The following UST variants were observed in gnomAD, a reference collection of about 807,000 sequenced individuals.
The protein encoded by UST is uronyl 2-sulfotransferase, also known as chondroitin sulfate 2-O-sulfotransferase.
A neutral mutation model predicts 45.6 loss-of-function variants in UST; 21 were observed. The ratio of observed to expected loss-of-function variants is 0.46; its 90% CI spans 0.33 to 0.66. UST has a LOEUF of 0.66. Among genes scored for constraint, UST ranks in the 30% least tolerant of loss-of-function variants. The pLI is 0.02. For missense variants in UST, 463 were observed against 512.4 expected, an observed-to-expected ratio of 0.90 and a Z score of 0.93; for synonymous variants, 215 against 200.6, an observed-to-expected ratio of 1.07 and a Z score of -0.61.
chr6:148,799,783 T>C (rs1777023034), intron 1 of UST, among the ~76,000 whole-genome samples: 2 of 152,196 alleles, frequency 1.3e-5, no homozygotes, highest in Non-Finnish European at 2.9e-5. Context: ...ATCCTTTATT[T>C]TACCTATATG....
intron 7 of UST, among the ~76,000 whole-genome samples, chr6:149,047,475 C>A (rs1320559560): frequency 6.6e-6 from 1 of 152,198 alleles, no homozygotes; most frequent in Non-Finnish European, 1.5e-5. Flanking sequence ...TTTTCATAAT[C>A]ATTTATGGAG....
chr6:148,868,015 A>G (rs1311269014), intron 1 of UST, among the ~76,000 whole-genome samples: 1 of 152,106 alleles, frequency 6.6e-6, no homozygotes, highest in African/African-American at 2.4e-5. Context: ...GAGGCTGTTC[A>G]TCACTGATGA....
chr6:148,917,701 G>C (rs1399086607), intron 2 of UST, among the ~76,000 whole-genome samples: 1 of 152,192 alleles, frequency 6.6e-6, no homozygotes, highest in Non-Finnish European at 1.5e-5. Context: ...GGGCTATGTG[G>C]GGGCAGGGGT....
At chr6:149,012,626 G>A (rs536159092) in intron 5 of UST, among the ~76,000 whole-genome samples, 8 of 152,228 alleles carry the variant, frequency 5.3e-5, no homozygotes, top group African/African-American at 1.4e-4. Context: ...GTTACATTGC[G>A]TCATGTGCAG....
intron 1 of UST, among the ~76,000 whole-genome samples, chr6:148,852,784 C>T (rs1463647521): frequency 6.6e-6 from 1 of 152,126 alleles, no homozygotes; most frequent in Non-Finnish European, 1.5e-5. Flanking sequence ...GGTTATTCCT[C>T]CACTGGGCTT....
chr6:148,894,814 CTTTTT>C (rs760698349), intron 2 of UST, among the ~76,000 whole-genome samples: 2 of 93,700 alleles, frequency 2.1e-5, no homozygotes, highest in African/African-American at 4.5e-5. Context: ...AATTTCAGTG[CTTTTT>C]TTTTTTTTTT....
intron 1 of UST, among the ~76,000 whole-genome samples, chr6:148,769,398 C>T (rs75195462): frequency 0.031 from 4,694 of 152,326 alleles, 228 homozygotes; most frequent in African/African-American, 0.11. Flanking sequence ...TTGCCTTTAA[C>T]GGGATGTTTC....
At chr6:148,902,205 C>A (rs1779273423) in intron 2 of UST, among the ~76,000 whole-genome samples, 1 of 152,076 alleles carries the variant, frequency 6.6e-6, no homozygotes, top group Non-Finnish European at 1.5e-5. Flanking sequence ...GAAACAGATA[C>A]CCTGTTCTGG....
chr6:148,950,103 A>G (rs946327314), intron 3 of UST, among the ~76,000 whole-genome samples: 6 of 151,522 alleles, frequency 4.0e-5, no homozygotes, highest in African/African-American at 1.5e-4. Flanking sequence ...CTTCTGTCTT[A>G]CTTACATTGA....
At chr6:148,871,137 T>TCTCTCTCTCTCTCTCTCTCC (rs1778547509) in intron 1 of UST, among the ~76,000 whole-genome samples, 1 of 149,866 alleles carries the variant, frequency 6.7e-6, no homozygotes, top group South Asian at 2.1e-4. Context: ...TCTCTCTCTC[T>TCTCTCTCTCTCTCTCTCTCC]CTCTCTCTCC....
chr6:149,038,154 C>G (rs1317355005), intron 7 of UST, among the ~76,000 whole-genome samples: 5 of 152,092 alleles, frequency 3.3e-5, no homozygotes, highest in Middle Eastern at 3.4e-3. Flanking sequence ...GTACCTTAGA[C>G]TTACATTGGT....
intron 1 of UST, among the ~76,000 whole-genome samples, chr6:148,783,911 TGA>T (rs1416953744): frequency 6.6e-6 from 1 of 152,114 alleles, no homozygotes; most frequent in African/African-American, 2.4e-5. Context: ...GTGAAGATGA[TGA>T]GCTACAAGAT....
intron 3 of UST, among the ~76,000 whole-genome samples, chr6:148,949,216 G>A (rs1394235928): frequency 6.6e-6 from 1 of 151,616 alleles, no homozygotes; most frequent in Non-Finnish European, 1.5e-5. Context: ...GCTTGAACCT[G>A]GGAGGGGGAG....
At chr6:148,910,297 C>T (rs1779448475) in intron 2 of UST, among the ~76,000 whole-genome samples, 1 of 152,114 alleles carries the variant, frequency 6.6e-6, no homozygotes, top group African/African-American at 2.4e-5. Flanking sequence ...TGCACCACCA[C>T]ACCCAGCTAA....
intron 7 of UST, among the ~76,000 whole-genome samples, chr6:149,049,925 TCTCTCTCACA>T (rs1360126123): frequency 2.3e-5 from 3 of 128,720 alleles, no homozygotes; most frequent in African/African-American, 9.6e-5. Context: ...TCTCTCTCTC[TCTCTCTCACA>T]CACACACACA....
In UST at chr6:148,827,740, A is replaced by G. The variant is rs1199253397; in HGVS notation, c.248-59246A>G. Among the ~76,000 whole-genome samples, 7 of 151,896 alleles carry G rather than the reference A, an allele frequency of 4.6e-5. No individual in the cohort carries two copies. The South Asian group carries it at 1.2e-3, about 27-fold the overall frequency. ...TTCTAGTTTGTAAAAAAAAAAAAAAAAAACCAACAACAAAAACACTAATTG... is the reference window on the plus strand; with the variant it reads ...TTCTAGTTTGTAAAAAAAAAAAAAAGAAACCAACAACAAAAACACTAATTG... On this transcript the variant is annotated intron_variant, in intron 1 of 7. Transcript: ENST00000367463.
intron 7 of UST, among the ~76,000 whole-genome samples, chr6:149,053,336 G>A (rs1776516189): frequency 6.6e-6 from 1 of 152,056 alleles, no homozygotes; most frequent in African/African-American, 2.4e-5. Flanking sequence ...AAGAATTATT[G>A]GCCTTCAGAT....
At chr6:148,866,052 C>T (rs1778423551) in intron 1 of UST, among the ~76,000 whole-genome samples, 1 of 151,580 alleles carries the variant, frequency 6.6e-6, no homozygotes, top group Non-Finnish European at 1.5e-5. Context: ...TATACAAATA[C>T]ATATACATAT....
At chr6:148,875,451 C>T (rs748313227) in intron 1 of UST, among the ~76,000 whole-genome samples, 27 of 152,122 alleles carry the variant, frequency 1.8e-4, no homozygotes, top group Non-Finnish European at 3.8e-4. Context: ...ATACAATAAA[C>T]TATTCCCTGA....
Sources: gnomAD v4.1 joint callset for allele counts (sites outside exome capture counted in the v4.1 genomes callset) on GRCh38, gnomAD v4.1.1 for gene constraint, MANE v1.5 for transcripts, NCBI Gene and HGNC (gene_info 2026-07-23, HGNC 2026-07-21) for gene names.